Variants in KHDRBS3 observed in about 807,000 individuals in gnomAD.
KHDRBS3 encodes KH domain-containing, RNA-binding, signal transduction-associated protein 3.
Under a neutral mutation model 45.6 loss-of-function variants are expected in KHDRBS3, and 23 were observed. The ratio of observed to expected loss-of-function variants is 0.50; its 90% CI spans 0.36 to 0.72. The LOEUF is 0.72. Among genes scored for constraint, KHDRBS3 ranks in the 30% least tolerant of loss-of-function variants. The probability of loss-of-function intolerance (pLI) is 0.00; values close to 1 mark genes in which losing one functional copy is unlikely to be tolerated. For missense variants in KHDRBS3, 352 were observed against 424.8 expected, an observed-to-expected ratio of 0.83 and a Z score of 1.51; for synonymous variants, 162 against 156.5, an observed-to-expected ratio of 1.04 and a Z score of -0.26.
chr8:135,563,414 G>A (rs1164222943), intron 5 of KHDRBS3, among the ~76,000 whole-genome samples: 2 of 152,208 alleles, frequency 1.3e-5, no homozygotes, highest in African/African-American at 2.4e-5. Context: ...CACGGTCAGA[G>A]AAGCCCTTGC....
intron 7 of KHDRBS3, among the ~76,000 whole-genome samples, chr8:135,639,231 G>A (rs1220590985): frequency 2.0e-5 from 3 of 152,168 alleles, no homozygotes; most frequent in Non-Finnish European, 2.9e-5. Context: ...AGGCTAACTG[G>A]TATAATCCTA....
chr8:135,548,868 G>A lies in KHDRBS3; in HGVS notation c.439G>A (p.Ala147Thr), dbSNP rs760544936. 1 of 1,594,902 alleles carries A rather than the reference G, an allele frequency of 6.3e-7. No homozygotes were observed. The highest frequency in any genetic ancestry group is 8.5e-7 in the Non-Finnish European group (1 of 1,171,998). The change falls in exon 4 of 9, where the codon GCT (alanine) becomes ACT (threonine). Residue 147 changes from alanine to threonine, a missense_variant. This residue lies in a region of KHDRBS3 where 46 missense variants were observed against 45.9 expected (regional missense o/e 1.00). Transcript: ENST00000355849. ...AGAAGCTTATGCCAGGATGGGACAT[G>A]CTTTGGAAGAAATCAAAAAGTTCCT... is the stretch of plus-strand genomic sequence containing the variant. Reference protein sequence around the residue: ...PAEAYARMGHALEEIKKFLIP... With the variant: ...PAEAYARMGHTLEEIKKFLIP...
chr8:135,513,277 A>C (rs1408395482), intron 1 of KHDRBS3, among the ~76,000 whole-genome samples: 1 of 152,124 alleles, frequency 6.6e-6, no homozygotes, highest in Non-Finnish European at 1.5e-5. Context: ...AATTAGATAA[A>C]ATCTCACCCC....
chr8:135,572,409 G>T (rs1827745871), intron 5 of KHDRBS3, among the ~76,000 whole-genome samples: 1 of 152,094 alleles, frequency 6.6e-6, no homozygotes, highest in Non-Finnish European at 1.5e-5. Flanking sequence ...CTTGTAAAGT[G>T]CCTTGGATTT....
intron 5 of KHDRBS3, among the ~76,000 whole-genome samples, chr8:135,570,807 T>C (rs1827666185): frequency 6.6e-6 from 1 of 152,200 alleles, no homozygotes; most frequent in African/African-American, 2.4e-5. Context: ...GTTTCTGTGC[T>C]TTTTCTTGCT....
intron 2 of KHDRBS3, among the ~76,000 whole-genome samples, chr8:135,535,161 T>C (rs1338541401): frequency 3.3e-5 from 5 of 151,568 alleles, no homozygotes; most frequent in African/African-American, 1.2e-4. Context: ...TGAAAATCAG[T>C]TAAGGTTGTG....
At chr8:135,481,564 G>A (rs1201518518) in intron 1 of KHDRBS3, among the ~76,000 whole-genome samples, 2 of 152,028 alleles carry the variant, frequency 1.3e-5, no homozygotes, top group East Asian at 1.9e-4. Context: ...TTCCATAAAC[G>A]TTTATTCAGT....
intron 7 of KHDRBS3, among the ~76,000 whole-genome samples, chr8:135,629,154 T>C (rs1057166228): frequency 3.3e-5 from 5 of 152,342 alleles, no homozygotes; most frequent in African/African-American, 1.2e-4. Flanking sequence ...CAAAAAAGTT[T>C]GTGTCTCCAA....
intron 1 of KHDRBS3, among the ~76,000 whole-genome samples, chr8:135,468,320 G>C (rs1316348729): frequency 6.6e-6 from 1 of 152,106 alleles, no homozygotes; most frequent in Non-Finnish European, 1.5e-5. Context: ...TTTCCCCAAA[G>C]GTGCCCTGGT....
Position 135,647,035 on chromosome 8 carries a change from C to A in KHDRBS3, c.992C>A (p.Ala331Glu). ...AACTCAAGACACAAGGCACCTTCAG[C>A]GAGGACAGCAAAGGGCGTCTACAGA... ...WTNSRHKAPS[A>E]RTAKGVYRDQ... Residue 331 changes from alanine (A) to glutamate (E), a missense_variant, in exon 9 of 9, where the codon GCG becomes GAG. This residue lies in a region of KHDRBS3 where 212 missense variants were observed against 209.6 expected (regional missense o/e 1.01). Coordinates refer to ENST00000355849, the MANE Select transcript of KHDRBS3 (RefSeq NM_006558.3). The A allele has an allele frequency of 6.2e-7, 1 of 1,610,490 alleles. No individual in the cohort carries two copies. Among genetic ancestry groups the A allele is most frequent in the Non-Finnish European group, 8.5e-7 (1 of 1,176,778 alleles).
chr8:135,517,823 TAA>T (rs764791457), intron 1 of KHDRBS3, among the ~76,000 whole-genome samples: 1 of 152,032 alleles, frequency 6.6e-6, no homozygotes, highest in South Asian at 2.1e-4. Flanking sequence ...TTAAAAAATT[TAA>T]AAAAAATCTT....
At chr8:135,494,281 T>A (rs1823309588) in intron 1 of KHDRBS3, among the ~76,000 whole-genome samples, 1 of 133,034 alleles carries the variant, frequency 7.5e-6, no homozygotes, top group Non-Finnish European at 1.6e-5. Context: ...TTATTTTTTT[T>A]TTTTTTTTTT....
Position 135,542,643 on chromosome 8 carries a change from A to G in KHDRBS3, c.208-11A>G, listed in dbSNP as rs1826100796. On this transcript the variant is annotated splice_polypyrimidine_tract_variant and intron_variant, in intron 2 of 8. Coordinates refer to ENST00000355849, the MANE Select transcript of KHDRBS3 (RefSeq NM_006558.3). ...ATAAATGCTACAAATTTGGTTGTTTATTTTTCCTAGTTCAACTTTGTGGGG... is the reference window on the plus strand; with the variant it reads ...ATAAATGCTACAAATTTGGTTGTTTGTTTTTCCTAGTTCAACTTTGTGGGG... 2 of 1,588,554 alleles carry G rather than the reference A, an allele frequency of 1.3e-6. No individual in the cohort carries two copies. Among genetic ancestry groups the G allele is most frequent in the Admixed American group, 1.7e-5 (1 of 59,482 alleles).
At chr8:135,543,479 A>G (rs1344637612) in intron 3 of KHDRBS3, among the ~76,000 whole-genome samples, 3 of 152,210 alleles carry the variant, frequency 2.0e-5, no homozygotes, top group Non-Finnish European at 2.9e-5. Flanking sequence ...GAGTGATCAC[A>G]TACCGTGAAA....
chr8:135,479,182 T>C (rs1370722017), intron 1 of KHDRBS3, among the ~76,000 whole-genome samples: 3 of 152,246 alleles, frequency 2.0e-5, no homozygotes, highest in Admixed American at 2.0e-4. Flanking sequence ...TAGGGAATAC[T>C]ATGAACAACT....
intron 1 of KHDRBS3, chr8:135,458,890 AATC>A (rs1357165771): frequency 2.2e-6 from 1 of 456,202 alleles, no homozygotes; most frequent in African/African-American, 2.0e-5. Flanking sequence ...TGGCTTCCTG[AATC>A]ATCTGCTGGC....
chr8:135,487,793 C>T (rs540211576), intron 1 of KHDRBS3, among the ~76,000 whole-genome samples: 8 of 152,126 alleles, frequency 5.3e-5, no homozygotes, highest in East Asian at 1.9e-4. Flanking sequence ...AGAGGATGAG[C>T]GAGAACGTTC....
chr8:135,537,582 T>C (rs1189648464), intron 2 of KHDRBS3, among the ~76,000 whole-genome samples: 2 of 152,188 alleles, frequency 1.3e-5, no homozygotes, highest in Non-Finnish European at 2.9e-5. Context: ...CAACTCAGGG[T>C]ATGTGACTTT....
chr8:135,537,496 A>T (rs1466011594), intron 2 of KHDRBS3, among the ~76,000 whole-genome samples: 2 of 152,228 alleles, frequency 1.3e-5, no homozygotes, highest in Non-Finnish European at 2.9e-5. Context: ...TAATTATTGT[A>T]GCTTATACAT....
Sources: allele counts gnomAD v4.1 joint callset (sites outside exome capture counted in the v4.1 genomes callset), GRCh38; gene constraint gnomAD v4.1.1; regional missense constraint gnomAD v4.1.1; transcripts MANE v1.5; gene names NCBI Gene and HGNC (gene_info 2026-07-23, HGNC 2026-07-21).